WFDC1: variants seen among roughly 807,000 people sequenced by gnomAD.
WFDC1 encodes the protein WAP four-disulfide core domain protein 1.
Under a neutral mutation model 32.9 loss-of-function variants are expected in WFDC1, and 39 were observed. That is an observed-to-expected ratio of 1.19 (90% CI 0.92 to 1.55). The LOEUF is 1.55. Among genes scored for constraint, WFDC1 ranks in the 40% most tolerant of loss-of-function variants. The pLI, the probability that WFDC1 is intolerant of heterozygous loss-of-function variation, is 0.00. For missense variants in WFDC1, 386 were observed against 309.5 expected, an observed-to-expected ratio of 1.25 and a Z score of -1.85; for synonymous variants, 184 against 137.4, an observed-to-expected ratio of 1.34 and a Z score of -2.37.
intron 1 of WFDC1, among the ~76,000 whole-genome samples, chr16:84,311,196 T>G: frequency 6.6e-6 from 1 of 151,886 alleles, no homozygotes; most frequent in Non-Finnish European, 1.5e-5. Flanking sequence ...TTTAAAATAT[T>G]GATCTTATTG....
chr16:84,312,913 G>A (rs1907719324), intron 1 of WFDC1, 48 bp from the exon 2 acceptor site: 1 of 1,119,046 alleles, frequency 8.9e-7, no homozygotes, highest in East Asian at 4.4e-5. Flanking sequence ...GTGGCGCCGG[G>A]ACTCGAACGC....
Position 84,295,065 on chromosome 16 carries a change from A to C in WFDC1, c.94A>C (p.Lys32Gln), listed in dbSNP as rs776842177. ...LLLLLHAGSA[K>Q]NIWKRALPAR... ...ACTTCTCCTCCACGCCGGCTCTGCC[A>C]AGAATATCTGGAAACGGGCATTGCC... Residue 32 changes from lysine (K) to glutamine (Q), a missense_variant, in exon 1 of 7, where the codon AAG becomes CAG. Transcript: ENST00000219454. 8 of 1,614,224 alleles carry C rather than the reference A, an allele frequency of 5.0e-6. No homozygotes were observed. The highest frequency in any genetic ancestry group is 5.9e-6 in the Non-Finnish European group (7 of 1,180,036).
rs370651006 is a variant in WFDC1 at position 84,305,741 on chromosome 16, C to A, written c.145-7220C>A. ...AAGGAGCCAGGCGTGGTGGCTGACG[C>A]TTGTAATCCCAGCACTTTGGGAGGC... is the stretch of plus-strand genomic sequence containing the variant. On this transcript the variant is annotated intron_variant, in intron 1 of 6. Coordinates refer to ENST00000219454, the MANE Select transcript of WFDC1 (RefSeq NM_021197.4). Among the ~76,000 whole-genome samples the A allele has an allele frequency of 7.2e-5, 11 of 152,182 alleles. No homozygotes were observed. The East Asian group carries it at 7.7e-4, about 11-fold the overall frequency.
chr16:84,306,004 A>AAATAATAATAATAAT (rs141595518), intron 1 of WFDC1, among the ~76,000 whole-genome samples: 5 of 144,542 alleles, frequency 3.5e-5, no homozygotes, highest in Non-Finnish European at 6.0e-5. Context: ...CCTTTTCTCA[A>AAATAATAATAATAAT]AATAATAATA....
rs988505191 is a variant in WFDC1 at position 84,319,526 on chromosome 16, G to A, written c.517G>A (p.Gly173Ser). 2 of 1,613,114 alleles carry A rather than the reference G, an allele frequency of 1.2e-6. No individual in the cohort carries two copies. Among genetic ancestry groups the A allele is most frequent in the Middle Eastern group, 1.7e-4 (1 of 6,060 alleles). Residue 173 changes from glycine (G) to serine (S), a missense_variant, in exon 4 of 7, where the codon GGT becomes AGT. By Grantham distance (56) the Gly-to-Ser change is moderately conservative (BLOSUM62 0). Coordinates refer to ENST00000219454, the MANE Select transcript of WFDC1 (RefSeq NM_021197.4). ...CCTGAGCCCAGGTGACGTGGCCGAA[G>A]GTATCCCCAACCGTGGGCAGTGCGT... The part of the protein sequence containing the change: ...HILSPGDVAE[G>S]IPNRGQCVKQ...
chr16:84,318,379 C>T, intron 3 of WFDC1, 24 bp downstream of exon 3: 3 of 1,610,986 alleles, frequency 1.9e-6, no homozygotes, highest in East Asian at 4.5e-5. Context: ...AAAGCCCAGA[C>T]CCTACATCCA....
chr16:84,313,968 G>A (rs1165808033), intron 2 of WFDC1, among the ~76,000 whole-genome samples: 3 of 152,176 alleles, frequency 2.0e-5, no homozygotes, highest in Non-Finnish European at 4.4e-5. Flanking sequence ...CTTGAACCCA[G>A]GAGGTGGAGC....
At chr16:84,322,150 T>TGTGTGTGC (rs57777259) in intron 4 of WFDC1, among the ~76,000 whole-genome samples, 8,547 of 104,358 alleles carry the variant, frequency 0.082, 383 homozygotes, top group East Asian at 0.25. Flanking sequence ...AGAGCCTGTG[T>TGTGTGTGC]GTGTGTGTGC....
intron 1 of WFDC1, chr16:84,297,067 C>T (rs1906639429): frequency 6.6e-6 from 1 of 152,178 alleles, no homozygotes; most frequent in African/African-American, 2.4e-5. Context: ...ATTTTATCTC[C>T]ACCATGTCCC....
rs146707929 is a variant in WFDC1 at position 84,308,920 on chromosome 16, G to C, written c.145-4041G>C. Among the ~76,000 whole-genome samples the C allele has an allele frequency of 1.4e-3, 219 of 152,258 alleles. 1 individual carries two copies. The highest frequency in any genetic ancestry group is 2.6e-3 in the Non-Finnish European group (176 of 67,996). On this transcript the variant is annotated intron_variant, in intron 1 of 6. Coordinates refer to ENST00000219454, the MANE Select transcript of WFDC1 (RefSeq NM_021197.4). Reference sequence around the variant, plus strand: ...GGGTGTAGACACCAGCCTGGGCATAGATGCCATCCTGGGTGTAGACACCAT... The same window carrying C: ...GGGTGTAGACACCAGCCTGGGCATACATGCCATCCTGGGTGTAGACACCAT...
At chr16:84,297,492 C>T (rs1042984436) in intron 1 of WFDC1, among the ~76,000 whole-genome samples, 7 of 152,102 alleles carry the variant, frequency 4.6e-5, no homozygotes, top group African/African-American at 1.7e-4. Context: ...CGGCAAATGC[C>T]TGTAATCCCA....
At chr16:84,327,856 A>G (rs902208830) in intron 6 of WFDC1, 1 of 152,268 alleles carries the variant, frequency 6.6e-6, no homozygotes, top group Admixed American at 6.5e-5. Context: ...GCGGTAGTTC[A>G]TGCCAGGGTG....
At chr16:84,302,513 G>A (rs1461410325) in intron 1 of WFDC1, among the ~76,000 whole-genome samples, 2 of 151,134 alleles carry the variant, frequency 1.3e-5, no homozygotes, top group Admixed American at 6.6e-5. Context: ...GTCCGCTCAC[G>A]GTGCCCACTC....
At chr16:84,310,721 A>G (rs1847960379) in intron 1 of WFDC1, among the ~76,000 whole-genome samples, 1 of 152,200 alleles carries the variant, frequency 6.6e-6, no homozygotes, top group Non-Finnish European at 1.5e-5. Context: ...GGCAGAGCCT[A>G]CACGCTGTTC....
At chr16:84,297,560 T>C (rs1906671141) in intron 1 of WFDC1, among the ~76,000 whole-genome samples, 1 of 138,208 alleles carries the variant, frequency 7.2e-6, no homozygotes, top group Non-Finnish European at 1.5e-5. Context: ...GAGGTTATAG[T>C]GAGCCGAGAT....
At chr16:84,307,678 A>G (rs1480183163) in intron 1 of WFDC1, among the ~76,000 whole-genome samples, 2 of 152,188 alleles carry the variant, frequency 1.3e-5, no homozygotes, top group Non-Finnish European at 2.9e-5. Flanking sequence ...TCATCGAAAA[A>G]TAAGCTGGGC....
intron 1 of WFDC1, among the ~76,000 whole-genome samples, chr16:84,305,682 A>G (rs1370869540): frequency 6.6e-6 from 1 of 152,088 alleles, no homozygotes; most frequent in Non-Finnish European, 1.5e-5. Flanking sequence ...TTACTATGGG[A>G]CGAGAGGCTT....
At chr16:84,314,099 G>C (rs149898348) in intron 2 of WFDC1, among the ~76,000 whole-genome samples, 189 of 152,240 alleles carry the variant, frequency 1.2e-3, no homozygotes, top group African/African-American at 4.3e-3. Flanking sequence ...CGGTGGACCT[G>C]CCACTCCAAA....
At chr16:84,326,821 C>CGG (rs34519449) in intron 5 of WFDC1, 61 bp from the exon 6 acceptor site, 9 of 1,602,916 alleles carry the variant, frequency 5.6e-6, no homozygotes, top group African/African-American at 5.4e-5. Context: ...TGGTGAGCCA[C>CGG]GGGGGGCATT....
Sources: gnomAD v4.1 joint callset for allele counts (sites outside exome capture counted in the v4.1 genomes callset) on GRCh38, gnomAD v4.1.1 for gene constraint, MANE v1.5 for transcripts, NCBI Gene and HGNC (gene_info 2026-07-23, HGNC 2026-07-21) for gene names.